The following CCT5 variants were observed in gnomAD, a reference collection of about 807,000 sequenced individuals.
CCT5 encodes the protein T-complex protein 1 subunit epsilon.
CCT5 carries 6 observed loss-of-function variants against 55.0 expected under a neutral mutation model. The ratio of observed to expected loss-of-function variants is 0.11; its 90% CI spans 0.06 to 0.22. CCT5 has a LOEUF of 0.22. Ranked by LOEUF, CCT5 falls within the 10% of genes least tolerant of loss-of-function variation. The pLI is 1.00. For missense variants in CCT5, 560 were observed against 694.6 expected, an observed-to-expected ratio of 0.81 and a Z score of 2.18; for synonymous variants, 231 against 243.7, an observed-to-expected ratio of 0.95 and a Z score of 0.49.
chr5:10,250,625 C>G lies in CCT5; in HGVS notation c.105+180C>G. Reference sequence around the variant, plus strand: ...TACTGAGCTCGGGAGACGCCGGCGCCTAATCCTGGGCTCGGAATGTGGGGG... The same window carrying G: ...TACTGAGCTCGGGAGACGCCGGCGCGTAATCCTGGGCTCGGAATGTGGGGG... On this transcript the variant is annotated intron_variant, in intron 1 of 10. Transcript: ENST00000280326. 13 of 1,433,468 alleles carry G rather than the reference C, an allele frequency of 9.1e-6. No individual in the cohort carries two copies. The South Asian group carries it at 1.9e-4, about 21-fold the overall frequency. The allele number at this position is 1,433,468 out of a possible 1,614,324, so 88.8% of individuals were successfully genotyped here.
At chr5:10,263,366 CTG>C (rs1746072714) in intron 10 of CCT5, 52 bp downstream of exon 10, 1 of 1,497,190 alleles carries the variant, frequency 6.7e-7, no homozygotes. Flanking sequence ...CTGATTTAAA[CTG>C]AATAATCATC....
chr5:10,263,040 CTT>C, intron 9 of CCT5, 92 bp from the exon 10 acceptor site: 1 of 1,041,852 alleles, frequency 9.6e-7, no homozygotes, highest in Non-Finnish European at 1.5e-6. Flanking sequence ...TGTGAGCTGA[CTT>C]TTCAAAGTAT....
At chr5:10,253,186 A>G (rs1464862568) in intron 1 of CCT5, among the ~76,000 whole-genome samples, 1 of 152,088 alleles carries the variant, frequency 6.6e-6, no homozygotes, top group Admixed American at 6.6e-5. Flanking sequence ...AAAAATGAGC[A>G]GGGCGTCATG....
chr5:10,264,282 A>G (rs1423150784), intron 10 of CCT5, among the ~76,000 whole-genome samples: 1 of 151,742 alleles, frequency 6.6e-6, no homozygotes, highest in Non-Finnish European at 1.5e-5. Context: ...AAAAATTAGC[A>G]TTTCTAGATC....
chr5:10,264,993 TAAA>T lies in CCT5; in HGVS notation c.*212_*214del, dbSNP rs1246568269. ...TCAACTGCTTTTGTATTCATTGTATTAAAAGAATCTGTTTAAACAACCTTTATC... is the reference window on the plus strand; with the variant it reads ...TCAACTGCTTTTGTATTCATTGTATTAGAATCTGTTTAAACAACCTTTATC... On this transcript the variant is annotated 3_prime_UTR_variant, in exon 11 of 11. Transcript: ENST00000280326. 1 of 564,998 alleles carries T rather than the reference TAAA, an allele frequency of 1.8e-6. No homozygotes were observed. 35.0% of individuals were successfully genotyped at this position (564,998 alleles called of 1,614,324 possible). A position where few individuals can be genotyped will look rare whatever the true frequency, so the allele number is the denominator to read the frequency against.
intron 8 of CCT5, 123 bp from the exon 9 acceptor site, chr5:10,262,358 C>T (rs746555785): frequency 4.5e-5 from 47 of 1,040,080 alleles, no homozygotes; most frequent in South Asian, 1.6e-4. Flanking sequence ...AAATATTATC[C>T]GATAGTGGAG....
rs377019090 is a variant in CCT5, at chr5:10,250,367, C to T, written c.27C>T (p.Phe9=). The change falls in exon 1 of 11, where the codon TTC becomes TTT. Residue 9 remains phenylalanine, a synonymous_variant. Coordinates refer to ENST00000280326, the MANE Select transcript of CCT5 (RefSeq NM_012073.5). MASMGTLA[F]DEYGRPFLII... ...TGGCGTCCATGGGGACCCTCGCCTTCGATGAATATGGGCGCCCTTTCCTCA... is the reference window on the plus strand; with the variant it reads ...TGGCGTCCATGGGGACCCTCGCCTTTGATGAATATGGGCGCCCTTTCCTCA... 3.1e-6 allele frequency: 5 copies of T among 1,614,010 alleles called. No individual in the cohort carries two copies. Among genetic ancestry groups the T allele is most frequent in the Admixed American group, 1.7e-5 (1 of 60,002 alleles).
At chr5:10,261,511 T>C (rs750220310) in intron 7 of CCT5, 49 bp from the exon 8 acceptor site, 1 of 1,582,036 alleles carries the variant, frequency 6.3e-7, no homozygotes, top group Non-Finnish European at 8.7e-7. Flanking sequence ...TTTTGAAAGT[T>C]AACTTCACCA....
intron 8 of CCT5, chr5:10,262,175 A>T: frequency 2.4e-6 from 1 of 417,362 alleles, no homozygotes; most frequent in South Asian, 2.1e-5. Context: ...CAAGTGAATA[A>T]CCATTGACGA....
At chr5:10,250,512 G>T (rs1030925093) in intron 1 of CCT5, 67 bp downstream of exon 1, 15 of 1,594,820 alleles carry the variant, frequency 9.4e-6, no homozygotes, top group Non-Finnish European at 1.3e-5. Context: ...CTCTGCGCCT[G>T]CGCGAGTTGA....
At chr5:10,261,843 G>C in intron 8 of CCT5, 98 bp downstream of exon 8, 6 of 938,388 alleles carry the variant, frequency 6.4e-6, no homozygotes, top group African/African-American at 4.8e-5. Flanking sequence ...GTCACCATAA[G>C]AAAAATAATC....
At chr5:10,259,823 G>T (rs1186289666) in intron 6 of CCT5, among the ~76,000 whole-genome samples, 1 of 152,240 alleles carries the variant, frequency 6.6e-6, no homozygotes, top group African/African-American at 2.4e-5. Flanking sequence ...GGCCAGGGAT[G>T]TTACTGGATC....
Position 10,261,755 on chromosome 5 carries a change from C to A in CCT5, c.1179+10C>A. ...AGGAGGAAATAAGATGGTGAGAATT[C>A]AACTATTTGTCCTATACTGTTGCTT... On this transcript the variant is annotated intron_variant, in intron 8 of 10. Transcript: ENST00000280326. The A allele has an allele frequency of 1.2e-6, 2 of 1,610,516 alleles. No individual in the cohort carries two copies. Among genetic ancestry groups the A allele is most frequent in the Middle Eastern group, 1.7e-4 (1 of 6,050 alleles).
At chr5:10,252,389 G>T (rs955577251) in intron 1 of CCT5, among the ~76,000 whole-genome samples, 2 of 152,180 alleles carry the variant, frequency 1.3e-5, no homozygotes, top group Non-Finnish European at 2.9e-5. Context: ...GAGCCTTAAA[G>T]GTAATATGTA....
At position 10,264,840 on chromosome 5, in the gene CCT5, C is replaced by G; in HGVS notation, c.*57C>G. 1 of 1,602,664 alleles carries G rather than the reference C, an allele frequency of 6.2e-7. No homozygotes were observed. Among genetic ancestry groups the G allele is most frequent in the East Asian group, 2.2e-5 (1 of 44,714 alleles). Reference sequence around the variant, plus strand: ...CTTCTGTGATTAAGTAAATGGATGTCTCGTGATGCATCTACAGTTATTTAT... The same window carrying G: ...CTTCTGTGATTAAGTAAATGGATGTGTCGTGATGCATCTACAGTTATTTAT... On this transcript the variant is annotated 3_prime_UTR_variant, in exon 11 of 11. Transcript: ENST00000280326.
In CCT5 at chr5:10,263,233, A is replaced by G; in HGVS notation, c.1417A>G (p.Thr473Ala). Residue 473 changes from threonine (T) to alanine (A), a missense_variant, in exon 10 of 11, where the codon ACT becomes GCT. Around this residue, in one of 4 missense-constraint regions of CCT5, gnomAD observed 115 missense variants for 105.0 expected, o/e 1.10. Coordinates refer to ENST00000280326, the MANE Select transcript of CCT5 (RefSeq NM_012073.5). The stretch of plus-strand genomic sequence containing the variant: ...AAACAGTGGCATGAATCCCATCCAG[A>G]CTATGACCGAAGTCCGAGCCAGACA... Reference protein sequence around the residue: ...SENSGMNPIQTMTEVRARQVK... With the variant: ...SENSGMNPIQAMTEVRARQVK... 6.2e-7 allele frequency: 1 copy of G among 1,614,200 alleles called. No individual in the cohort carries two copies. Among genetic ancestry groups the G allele is most frequent in the Non-Finnish European group, 8.5e-7 (1 of 1,180,034 alleles).
intron 8 of CCT5, 22 bp downstream of exon 8, chr5:10,261,767 C>A: frequency 6.2e-7 from 1 of 1,600,960 alleles, no homozygotes; most frequent in South Asian, 1.1e-5. Flanking sequence ...ACTATTTGTC[C>A]TATACTGTTG....
At chr5:10,250,596 C>T (rs906701099) in intron 1 of CCT5, 151 bp downstream of exon 1, 20 of 1,470,576 alleles carry the variant, frequency 1.4e-5, no homozygotes, top group Admixed American at 4.8e-5. Context: ...CCGCTCAGCC[C>T]GCTTACTGAG....
rs558232674 is a variant in CCT5 at position 10,266,038 on chromosome 5, A to G, written c.*1255A>G. ...ACATTCATGCATTGGATGTTTTGCT[A>G]AATAACTCCTGTGGATTTAGGAATG... is the stretch of plus-strand genomic sequence containing the variant. On this transcript the variant is annotated 3_prime_UTR_variant, in exon 11 of 11. Transcript: ENST00000280326. 51 of 152,330 alleles carry G rather than the reference A, an allele frequency of 3.3e-4. No homozygotes were observed. The highest frequency in any genetic ancestry group is 1.2e-3 in the African/African-American group (49 of 41,576). The allele number at this position is 152,330 out of a possible 1,614,324, so 9.4% of individuals were successfully genotyped here.
Sources: gnomAD v4.1 joint callset for allele counts (sites outside exome capture counted in the v4.1 genomes callset) on GRCh38, gnomAD v4.1.1 for gene constraint, gnomAD v4.1.1 regional missense constraint, MANE v1.5 for transcripts, NCBI Gene and HGNC (gene_info 2026-07-23, HGNC 2026-07-21) for gene names.